The following CAMK1D variants were observed in gnomAD, a reference collection of about 807,000 sequenced individuals.
CAMK1D encodes the protein calcium/calmodulin-dependent protein kinase type 1D.
A neutral mutation model predicts 47.7 loss-of-function variants in CAMK1D; 9 were observed. The ratio of observed to expected loss-of-function variants is 0.19; its 90% CI spans 0.11 to 0.33. CAMK1D has a LOEUF of 0.33. CAMK1D is among the 10% of genes least tolerant of loss of function. The pLI is 1.00. For missense variants in CAMK1D, 291 were observed against 488.7 expected (o/e 0.60, Z 3.81); for synonymous variants, 184 against 184.9 (o/e 0.99, Z 0.04).
chr10:12,494,667 C>A (rs371316851), intron 1 of CAMK1D, among the ~76,000 whole-genome samples: 1 of 152,080 alleles, frequency 6.6e-6, no homozygotes, highest in South Asian at 2.1e-4. Flanking sequence ...TGGGTTCAAG[C>A]GATTCTCCTG....
chr10:12,562,546 G>C (rs113355905), intron 2 of CAMK1D, among the ~76,000 whole-genome samples: 156 of 152,132 alleles, frequency 1.0e-3, no homozygotes, highest in African/African-American at 3.2e-3. Flanking sequence ...ATTTGCAAAC[G>C]AGCCCCCGAC....
rs907432220 is a variant in CAMK1D at position 12,831,249 on chromosome 10, A to C, written c.*2362A>C. The C allele has an allele frequency of 2.0e-5, 3 of 152,234 alleles. No individual in the cohort carries two copies. The highest frequency in any genetic ancestry group is 2.4e-5 in the African/African-American group (1 of 41,470). 9.4% of individuals were successfully genotyped at this position (152,234 alleles called of 1,614,324 possible). On this transcript the variant is annotated 3_prime_UTR_variant, in exon 11 of 11. Transcript: ENST00000619168. ...CCTGAGTTGGCCATGCAATGAATGA[A>C]TATTATAAGCAGTATTGGAGAACTA...
intron 3 of CAMK1D, chr10:12,760,684 G>A (rs1836460116): frequency 2.6e-6 from 1 of 378,532 alleles, no homozygotes; most frequent in African/African-American, 2.0e-5. Context: ...CAGCAGAACA[G>A]AGGCAGAGGC....
At chr10:12,513,657 C>A (rs1049652156) in intron 1 of CAMK1D, among the ~76,000 whole-genome samples, 3 of 151,974 alleles carry the variant, frequency 2.0e-5, no homozygotes, top group African/African-American at 7.3e-5. Context: ...AAAAATGAGC[C>A]AGGTGTGGTG....
chr10:12,683,741 GGTGTGTGT>G (rs10554443), intron 3 of CAMK1D, among the ~76,000 whole-genome samples: 10,269 of 144,878 alleles, frequency 0.071, 688 homozygotes, highest in South Asian at 0.18. Flanking sequence ...TAGGAATCCA[GGTGTGTGT>G]GTGTGTGTGT....
intron 1 of CAMK1D, among the ~76,000 whole-genome samples, chr10:12,435,536 C>T (rs1007304958): frequency 6.6e-6 from 1 of 151,738 alleles, no homozygotes; most frequent in Non-Finnish European, 1.5e-5. Flanking sequence ...CCCCTCCACT[C>T]CCAAGCAGCC....
rs11289567 is a variant in CAMK1D, at chr10:12,717,731, G to GAAAAAAAA, written c.300-43208_300-43201dup. On this transcript the variant is annotated intron_variant, in intron 3 of 10. Coordinates refer to ENST00000619168, the MANE Select transcript of CAMK1D (RefSeq NM_153498.4). ...AGAGGCTTTGTCTCTACAAAAAATT[G>GAAAAAAAA]AAAAAAAAAAAAAAAAGCTGGATGT... Among the ~76,000 whole-genome samples, 97 of 121,172 alleles carry GAAAAAAAA rather than the reference G, an allele frequency of 8.0e-4. 2 individuals are homozygous for GAAAAAAAA. The highest frequency in any genetic ancestry group is 4.0e-3 in the Middle Eastern group (1 of 252). 79.5% of individuals were successfully genotyped at this position (121,172 alleles called of 152,430 possible).
intron 1 of CAMK1D, among the ~76,000 whole-genome samples, chr10:12,482,620 G>GT (rs939771178): frequency 4.6e-5 from 7 of 152,242 alleles, no homozygotes; most frequent in African/African-American, 7.2e-5. Flanking sequence ...GTGCTAATGG[G>GT]TTTTTTCCCC....
intron 5 of CAMK1D, among the ~76,000 whole-genome samples, chr10:12,776,822 T>C (rs899993964): frequency 1.3e-5 from 2 of 152,050 alleles, no homozygotes; most frequent in African/African-American, 4.8e-5. Context: ...AACACAAAAA[T>C]GTGAAAAACA....
At chr10:12,771,058 T>G (rs529997268) in intron 5 of CAMK1D, among the ~76,000 whole-genome samples, 1 of 151,980 alleles carries the variant, frequency 6.6e-6, no homozygotes, top group African/African-American at 2.4e-5. Flanking sequence ...GCCTCCCGAG[T>G]ACCTGGGATT....
At chr10:12,409,640 C>T (rs998474046) in intron 1 of CAMK1D, among the ~76,000 whole-genome samples, 1 of 152,224 alleles carries the variant, frequency 6.6e-6, no homozygotes, top group Admixed American at 6.5e-5. Flanking sequence ...TCATACAGTT[C>T]ACTTCTTTAA....
At chr10:12,504,327 G>A (rs909492459) in intron 1 of CAMK1D, among the ~76,000 whole-genome samples, 11 of 152,110 alleles carry the variant, frequency 7.2e-5, no homozygotes, top group African/African-American at 2.4e-4. Flanking sequence ...GGAGAACTGG[G>A]GGGATTTGGA....
chr10:12,807,829 G>A (rs1161077883), intron 6 of CAMK1D, among the ~76,000 whole-genome samples: 1 of 152,140 alleles, frequency 6.6e-6, no homozygotes, highest in Non-Finnish European at 1.5e-5. Flanking sequence ...TCCTCTGGCT[G>A]CAGCAAGTTG....
intron 1 of CAMK1D, among the ~76,000 whole-genome samples, chr10:12,391,747 A>C (rs1012848446): frequency 6.6e-6 from 1 of 152,154 alleles, no homozygotes; most frequent in Non-Finnish European, 1.5e-5. Flanking sequence ...TATACAGTGC[A>C]CTGTAATGGC....
At chr10:12,409,397 G>T (rs1041040802) in intron 1 of CAMK1D, among the ~76,000 whole-genome samples, 6 of 152,208 alleles carry the variant, frequency 3.9e-5, no homozygotes, top group African/African-American at 1.4e-4. Flanking sequence ...GGGGAAGCAG[G>T]TGTATGCTGT....
chr10:12,811,665 G>A (rs1485534613), intron 6 of CAMK1D, among the ~76,000 whole-genome samples: 4 of 152,082 alleles, frequency 2.6e-5, no homozygotes, highest in African/African-American at 4.8e-5. Flanking sequence ...AATGTTTCTC[G>A]GAATTTTCTT....
chr10:12,363,192 C>G (rs542675014), intron 1 of CAMK1D, among the ~76,000 whole-genome samples: 297 of 147,696 alleles, frequency 2.0e-3, no homozygotes, highest in African/African-American at 6.8e-3. Context: ...CCGCCCGCCT[C>G]GGCCTCCCAA....
chr10:12,447,538 CA>C (rs1832957030), intron 1 of CAMK1D, among the ~76,000 whole-genome samples: 1 of 152,090 alleles, frequency 6.6e-6, no homozygotes, highest in Non-Finnish European at 1.5e-5. Context: ...CCCGTCTCTC[CA>C]AAAAATTAAG....
intron 6 of CAMK1D, among the ~76,000 whole-genome samples, chr10:12,795,451 A>T (rs1024920225): frequency 2.0e-4 from 30 of 152,152 alleles, no homozygotes; most frequent in Admixed American, 1.3e-4. Context: ...GCGGTCCATG[A>T]GCAACAGGCA....
Sources: allele counts gnomAD v4.1 joint callset (sites outside exome capture counted in the v4.1 genomes callset), GRCh38; gene constraint gnomAD v4.1.1; transcripts MANE v1.5; gene names NCBI Gene and HGNC (gene_info 2026-07-23, HGNC 2026-07-21).